Variants in MIB1 observed in about 807,000 individuals in gnomAD.
MIB1 encodes MIB E3 ubiquitin protein ligase 1.
In MIB1, 278 loss-of-function variants were observed where a neutral mutation model predicts 124.5. That is an observed-to-expected ratio of 2.23 (90% CI 2.02 to 2.47). The LOEUF (loss-of-function observed/expected upper bound fraction) is 2.47. Among genes scored for constraint, MIB1 ranks in the 30% most tolerant of loss-of-function variants. The pLI is 0.00. For missense variants in MIB1, 957 were observed against 1,254.4 expected (o/e 0.76, Z 3.58); for synonymous variants, 446 against 429.4 (o/e 1.04, Z -0.48).
chr18:21,706,551 C>T (rs780893746), intron 1 of MIB1, among the ~76,000 whole-genome samples: 5 of 152,122 alleles, frequency 3.3e-5, no homozygotes, highest in Admixed American at 3.3e-4. Flanking sequence ...TGCTGTGCCC[C>T]GCGATCACGG....
intron 1 of MIB1, among the ~76,000 whole-genome samples, chr18:21,724,730 ATATATAT>A (rs1568176748): frequency 8.0e-4 from 33 of 41,394 alleles, no homozygotes; most frequent in Middle Eastern, 0.012. Context: ...AAAAAAAAAT[ATATATAT>A]ATATATATAT....
chr18:21,766,090 C>A, intron 2 of MIB1, 147 bp downstream of exon 2: 1 of 696,324 alleles, frequency 1.4e-6, no homozygotes, highest in Non-Finnish European at 2.4e-6. Flanking sequence ...AGAAGTGGAC[C>A]AAATCTGCCA....
intron 1 of MIB1, among the ~76,000 whole-genome samples, chr18:21,743,345 G>A (rs2040877209): frequency 6.6e-6 from 1 of 152,104 alleles, no homozygotes; most frequent in African/African-American, 2.4e-5. Context: ...TTGTTTCATG[G>A]CTGCATAGTA....
In MIB1 at chr18:21,799,862, A is replaced by G. The variant is rs1473976989; in HGVS notation, c.1259A>G (p.Lys420Arg). The G allele has an allele frequency of 1.2e-6, 2 of 1,611,160 alleles. No homozygotes were observed. Among genetic ancestry groups the G allele is most frequent in the East Asian group, 2.2e-5 (1 of 44,762 alleles). The change falls in exon 9 of 21, where the codon AAG (lysine) becomes AGG (arginine). Residue 420 changes from lysine (K) to arginine (R), a missense_variant. By Grantham distance (26) the Lys-to-Arg change is conservative. Transcript: ENST00000261537. ...ASGERLSQLL[K>R]KLFETQESGD... Reference sequence around the variant, plus strand: ...ACAGAAAGACTCTCACAACTCCTGAAGAAATTATTTGAAACCCAAGAATCT... The same window carrying G: ...ACAGAAAGACTCTCACAACTCCTGAGGAAATTATTTGAAACCCAAGAATCT...
At chr18:21,762,843 A>G (rs2041113359) in intron 1 of MIB1, among the ~76,000 whole-genome samples, 2 of 152,138 alleles carry the variant, frequency 1.3e-5, no homozygotes, top group Non-Finnish European at 2.9e-5. Flanking sequence ...CCCCATATAC[A>G]GTCTCTGAAA....
At chr18:21,734,222 T>TC (rs1348980526) in intron 1 of MIB1, among the ~76,000 whole-genome samples, 1 of 151,246 alleles carries the variant, frequency 6.6e-6, no homozygotes, top group East Asian at 2.0e-4. Flanking sequence ...TTCTGCTGCC[T>TC]CAGCCTCCCA....
chr18:21,778,521 A>G (rs745360889), intron 5 of MIB1, among the ~76,000 whole-genome samples: 24 of 152,220 alleles, frequency 1.6e-4, no homozygotes, highest in Non-Finnish European at 2.9e-4. Context: ...AAAATTCCTT[A>G]GAATTTTTGT....
chr18:21,778,206 G>T, intron 5 of MIB1, 37 bp downstream of exon 5: 2 of 1,369,220 alleles, frequency 1.5e-6, no homozygotes, highest in Admixed American at 1.7e-5. Context: ...CTAAATAATG[G>T]GTCAGAGTTC....
chr18:21,859,886 CAAAAAAAA>C (rs934260189), intron 20 of MIB1, among the ~76,000 whole-genome samples: 2 of 28,416 alleles, frequency 7.0e-5, no homozygotes, highest in African/African-American at 1.3e-4. Context: ...GAGACTGTCT[CAAAAAAAA>C]AAAAAAAAAA....
intron 1 of MIB1, among the ~76,000 whole-genome samples, chr18:21,712,426 T>C (rs2040669830): frequency 1.3e-5 from 2 of 152,156 alleles, no homozygotes; most frequent in Admixed American, 1.3e-4. Context: ...ACTCCTGTGA[T>C]TATACTATGT....
At chr18:21,733,573 T>G (rs547557452) in intron 1 of MIB1, among the ~76,000 whole-genome samples, 12 of 152,348 alleles carry the variant, frequency 7.9e-5, no homozygotes, top group African/African-American at 2.9e-4. Context: ...TGGCTGGTAT[T>G]GCCTATTTTT....
intron 1 of MIB1, among the ~76,000 whole-genome samples, chr18:21,716,369 A>G (rs1351830223): frequency 1.3e-5 from 2 of 152,238 alleles, no homozygotes; most frequent in African/African-American, 4.8e-5. Context: ...AAGGAGCTCT[A>G]AATCTTGAAA....
intron 12 of MIB1, among the ~76,000 whole-genome samples, chr18:21,822,855 C>T (rs1021661927): frequency 6.6e-6 from 1 of 152,054 alleles, no homozygotes; most frequent in African/African-American, 2.4e-5. Context: ...ATCCCAGCGA[C>T]TTAGGAGGCT....
chr18:21,864,463 AAC>A (rs2042304191), intron 20 of MIB1, 61 bp from the exon 21 acceptor site: 4 of 1,308,344 alleles, frequency 3.1e-6, no homozygotes, highest in African/African-American at 1.5e-5. Context: ...AATGATATAT[AAC>A]AGTCTGTCAC....
chr18:21,861,905 T>C (rs2042280042), intron 20 of MIB1, among the ~76,000 whole-genome samples: 1 of 151,640 alleles, frequency 6.6e-6, no homozygotes, highest in South Asian at 2.1e-4. Flanking sequence ...TCTATTTTGC[T>C]TTTCTTTTTT....
At position 21,870,646 on chromosome 18, in the gene MIB1, G is replaced by A. The variant is rs894280706; in HGVS notation, c.*5980G>A. Reference sequence around the variant, plus strand: ...TTTATGAGTAAATCATTAATTGTATGGTTTGGGGGTTATTTTATTTTCCAT... The same window carrying A: ...TTTATGAGTAAATCATTAATTGTATAGTTTGGGGGTTATTTTATTTTCCAT... On this transcript the variant is annotated 3_prime_UTR_variant, in exon 21 of 21. Coordinates refer to ENST00000261537, the MANE Select transcript of MIB1 (RefSeq NM_020774.4). The A allele has an allele frequency of 1.3e-5, 2 of 151,994 alleles. No individual in the cohort carries two copies. The highest frequency in any genetic ancestry group is 4.8e-5 in the African/African-American group (2 of 41,388). The allele number at this position is 151,994 out of a possible 1,614,324, so 9.4% of individuals were successfully genotyped here.
chr18:21,802,126 T>C (rs1300891611), intron 9 of MIB1, among the ~76,000 whole-genome samples: 14 of 152,142 alleles, frequency 9.2e-5, no homozygotes, highest in Admixed American at 2.6e-4. Context: ...AGAATTACTA[T>C]TGAGAAGATA....
Position 21,758,784 on chromosome 18 carries a change from C to T in MIB1, c.230-6988C>T, listed in dbSNP as rs540390440. Among the ~76,000 whole-genome samples the T allele has an allele frequency of 1.2e-3, 176 of 152,234 alleles. 7 individuals carry two copies. In the South Asian group the frequency reaches 0.024, roughly 21 times the overall value. The stretch of plus-strand genomic sequence containing the variant: ...GCCTGACCTCGTGATCCACCCGCCT[C>T]GGCCTCCCAAAGTGCTGGGATTACA... On this transcript the variant is annotated intron_variant, in intron 1 of 20. Transcript: ENST00000261537.
intron 20 of MIB1, among the ~76,000 whole-genome samples, chr18:21,862,104 C>A (rs954701636): frequency 6.6e-6 from 1 of 152,044 alleles, no homozygotes; most frequent in Non-Finnish European, 1.5e-5. Flanking sequence ...TCTGTGTTGC[C>A]CAGGTTGGTC....
Sources: allele counts gnomAD v4.1 joint callset (sites outside exome capture counted in the v4.1 genomes callset), GRCh38; gene constraint gnomAD v4.1.1; transcripts MANE v1.5; gene names NCBI Gene and HGNC (gene_info 2026-07-23, HGNC 2026-07-21).